The following RADIL variants were observed in gnomAD, a reference collection of about 807,000 sequenced individuals.
RADIL encodes the protein ras-associating and dilute domain-containing protein.
Under a neutral mutation model 97.6 loss-of-function variants are expected in RADIL, and 99 were observed. The ratio of observed to expected loss-of-function variants is 1.01; its 90% CI spans 0.86 to 1.20. The LOEUF (loss-of-function observed/expected upper bound fraction) is 1.20. Among genes scored for constraint, RADIL ranks in the 50% most tolerant of loss-of-function variants. RADIL has a pLI of 0.00. For missense variants in RADIL, 1,765 were observed against 1,498.9 expected, an observed-to-expected ratio of 1.18 and a Z score of -2.93; for synonymous variants, 803 against 691.8, an observed-to-expected ratio of 1.16 and a Z score of -2.52.
intron 2 of RADIL, among the ~76,000 whole-genome samples, chr7:4,845,474 T>A (rs192108502): frequency 9.8e-4 from 149 of 152,282 alleles, no homozygotes; most frequent in African/African-American, 3.3e-3. Context: ...GAATCCCATC[T>A]CTAATCGATC....
intron 2 of RADIL, among the ~76,000 whole-genome samples, chr7:4,853,742 C>CAA (rs34610093): frequency 0.29 from 29,542 of 100,722 alleles, 3,851 homozygotes; most frequent in South Asian, 0.4. Context: ...AACTCTGTCT[C>CAA]AAAAAAAAAA....
At chr7:4,874,246 C>T (rs1784318409) in intron 2 of RADIL, among the ~76,000 whole-genome samples, 1 of 152,242 alleles carries the variant, frequency 6.6e-6, no homozygotes, top group Non-Finnish European at 1.5e-5. Flanking sequence ...CCATGTGTCA[C>T]CACAACAACC....
chr7:4,881,538 C>T (rs1784487325), intron 1 of RADIL, among the ~76,000 whole-genome samples: 4 of 151,626 alleles, frequency 2.6e-5, no homozygotes, highest in African/African-American at 9.7e-5. Flanking sequence ...ACCAGCCTGG[C>T]CAACATGGTG....
Position 4,850,566 on chromosome 7 carries a change from G to A in RADIL, c.536-13961C>T, listed in dbSNP as rs566717921. 2.8e-4 allele frequency among the ~76,000 whole-genome samples: 42 copies of A among 152,352 alleles called. 1 individual carries two copies. The highest frequency in any genetic ancestry group is 9.4e-4 in the African/African-American group (39 of 41,588). ...GTCAGAGAGGTTTGAGGTGTGAGAC[G>A]TGTGTGATGCCAGGGCAGCTCTCCA... On this transcript the variant is annotated intron_variant, in intron 2 of 14. Coordinates refer to ENST00000399583, the MANE Select transcript of RADIL (RefSeq NM_018059.5).
At chr7:4,848,994 C>T (rs951791675) in intron 2 of RADIL, among the ~76,000 whole-genome samples, 5 of 152,084 alleles carry the variant, frequency 3.3e-5, no homozygotes, top group Middle Eastern at 3.4e-3. Context: ...CAAAATTAGC[C>T]GGGCGTGGTG....
At chr7:4,802,710 TC>T (rs1288420048) in intron 11 of RADIL, among the ~76,000 whole-genome samples, 2 of 95,186 alleles carry the variant, frequency 2.1e-5, no homozygotes, top group Admixed American at 2.1e-4. Flanking sequence ...CTGGGTCCCC[TC>T]CCCAGGCACC....
chr7:4,836,764 C>A (rs1274510091), intron 2 of RADIL, among the ~76,000 whole-genome samples, 159 bp from the exon 3 acceptor site: 2 of 152,064 alleles, frequency 1.3e-5, no homozygotes, highest in East Asian at 3.9e-4. Context: ...ACAGTGAAAC[C>A]CCATTTCTAC....
chr7:4,846,486 G>T lies in RADIL; in HGVS notation c.536-9881C>A, dbSNP rs1043828983. 2.7e-5 allele frequency among the ~76,000 whole-genome samples: 4 copies of T among 150,776 alleles called. No individual in the cohort carries two copies. In the South Asian group the frequency reaches 8.4e-4, roughly 32 times the overall value. On this transcript the variant is annotated intron_variant, in intron 2 of 14. Transcript: ENST00000399583. ...TATCTTGAGTTTTAACTTTGGTGGG[G>T]GAGTCTTTCCTTGCCATCTAGAAAA...
chr7:4,816,145 A>G, intron 8 of RADIL, 83 bp downstream of exon 8: 1 of 1,342,154 alleles, frequency 7.5e-7, no homozygotes, highest in South Asian at 1.3e-5. Context: ...AGCCGCCTCC[A>G]GGAGCTGGCG....
intron 2 of RADIL, chr7:4,859,843 T>G: frequency 8.8e-7 from 1 of 1,138,676 alleles, no homozygotes; most frequent in East Asian, 2.4e-5. Context: ...TCTTCCGTTT[T>G]GGTTTTCTTG....
At chr7:4,800,509 A>G (rs1408676110) in intron 12 of RADIL, among the ~76,000 whole-genome samples, 199 bp from the exon 13 acceptor site, 2 of 152,054 alleles carry the variant, frequency 1.3e-5, no homozygotes, top group East Asian at 3.9e-4. Context: ...CGACACCCCC[A>G]TGTTCCCTGA....
In RADIL at chr7:4,865,542, TG is replaced by T; in HGVS notation, c.535+12062del. ...CAGCCAATATTCTTCAAATATTTTT[TG>T]TTGAGATACTTCAAATACCTTTTTG... On this transcript the variant is annotated intron_variant, in intron 2 of 14. Transcript: ENST00000399583. 3.8e-6 allele frequency: 3 copies of T among 786,064 alleles called. No individual in the cohort carries two copies. In the South Asian group the frequency reaches 4.1e-5, roughly 11 times the overall value. 48.7% of individuals were successfully genotyped at this position (786,064 alleles called of 1,614,324 possible).
intron 2 of RADIL, among the ~76,000 whole-genome samples, chr7:4,836,855 T>C (rs114150433): frequency 0.015 from 2,214 of 152,102 alleles, 49 homozygotes; most frequent in African/African-American, 0.051. Flanking sequence ...CGAGAATGGC[T>C]TAAACCCAGG....
chr7:4,805,579 C>T lies in RADIL; in HGVS notation c.2277G>A (p.Glu759=). 1.9e-6 allele frequency: 3 copies of T among 1,607,022 alleles called. No homozygotes were observed. Among genetic ancestry groups the T allele is most frequent in the Non-Finnish European group, 1.7e-6 (2 of 1,176,530 alleles). ...TWEPGAQDSP[E]AFRSEDVLES... The stretch of plus-strand genomic sequence containing the variant: ...GGCAGGGCTTACCTGACCTGAAGGC[C>T]TCGGGGCTGTCCTGGGCCCCTGGCT... The change falls in exon 10 of 15, where the codon GAG becomes GAA. Residue 759 remains glutamate, a synonymous_variant. Coordinates refer to ENST00000399583, the MANE Select transcript of RADIL (RefSeq NM_018059.5).
At chr7:4,865,847 G>A in intron 2 of RADIL, 1 of 706,350 alleles carries the variant, frequency 1.4e-6, no homozygotes, top group Non-Finnish European at 2.6e-6. Flanking sequence ...CCCCTTTTCT[G>A]TGTTGAGATA....
chr7:4,833,564 G>A (rs1783207067), intron 4 of RADIL, among the ~76,000 whole-genome samples: 1 of 152,236 alleles, frequency 6.6e-6, no homozygotes, highest in Admixed American at 6.5e-5. Context: ...CATCTGGACA[G>A]GGAAGCCTGA....
chr7:4,835,775 T>A lies in RADIL; in HGVS notation c.784-536A>T, dbSNP rs990707083. Among the ~76,000 whole-genome samples the A allele has an allele frequency of 7.0e-6, 1 of 143,492 alleles. No homozygotes were observed. The highest frequency in any genetic ancestry group is 2.6e-5 in the African/African-American group (1 of 38,414). 94.1% of individuals were successfully genotyped at this position (143,492 alleles called of 152,430 possible). A position where few individuals can be genotyped will look rare whatever the true frequency, so the allele number is the denominator to read the frequency against. ...GCTGCACAGGAGGGCGGGGGTAGGG[T>A]GAGCAGGGGGCGGGGAAAACAGTTG... On this transcript the variant is annotated intron_variant, in intron 3 of 14. Coordinates refer to ENST00000399583, the MANE Select transcript of RADIL (RefSeq NM_018059.5). This position sits in a 1 kb window ranked among gnomAD's most constrained non-coding sequence, Gnocchi z 5.8.
At position 4,877,540 on chromosome 7, in the gene RADIL, C is replaced by G. The variant is rs544024513; in HGVS notation, c.535+65G>C. The G allele has an allele frequency of 8.5e-5, 129 of 1,517,954 alleles. No individual in the cohort carries two copies. In the African/African-American group the frequency reaches 1.6e-3, roughly 19 times the overall value. 94.0% of individuals were successfully genotyped at this position (1,517,954 alleles called of 1,614,324 possible). A position where few individuals can be genotyped will look rare whatever the true frequency, so the allele number is the denominator to read the frequency against. ...GTCCCCTGCACCACTCCTTCTCCGC[C>G]TACCTCGGCTGGCCTTCTCAGCGCT... On this transcript the variant is annotated intron_variant, in intron 2 of 14. Transcript: ENST00000399583.
chr7:4,816,470 C>A lies in RADIL; in HGVS notation c.1729-5G>T, dbSNP rs117764968. 1.9e-6 allele frequency: 3 copies of A among 1,600,588 alleles called. No individual in the cohort carries two copies. The highest frequency in any genetic ancestry group is 1.3e-5 in the African/African-American group (1 of 74,690). ...CGGGAGGCAGATGTACAGGGACTGG[C>A]GGGGGCAAGAGGAGAACAGCAACCA... On this transcript the variant is annotated splice_region_variant and splice_polypyrimidine_tract_variant and intron_variant, in intron 7 of 14. Transcript: ENST00000399583.
Sources: allele counts gnomAD v4.1 joint callset (sites outside exome capture counted in the v4.1 genomes callset), GRCh38; gene constraint gnomAD v4.1.1; non-coding constraint Gnocchi (gnomAD v3.1); transcripts MANE v1.5; gene names NCBI Gene and HGNC (gene_info 2026-07-23, HGNC 2026-07-21).